The following SEMA5A variants were observed in gnomAD, a reference collection of about 807,000 sequenced individuals.
SEMA5A encodes semaphorin-5A.
Under a neutral mutation model 135.5 loss-of-function variants are expected in SEMA5A, and 55 were observed. That is an observed-to-expected ratio of 0.41 (90% CI 0.33 to 0.51). The LOEUF (loss-of-function observed/expected upper bound fraction) is 0.51, where lower values mean the gene tolerates loss of function less well. Among genes scored for constraint, SEMA5A ranks in the 20% least tolerant of loss-of-function variants. The probability of loss-of-function intolerance (pLI) is 0.37; values close to 1 mark genes in which losing one functional copy is unlikely to be tolerated. For missense variants in SEMA5A, 1,290 were observed against 1,419.9 expected, an observed-to-expected ratio of 0.91 and a Z score of 1.47; for synonymous variants, 580 against 546.5, an observed-to-expected ratio of 1.06 and a Z score of -0.85.
chr5:9,526,067 G>T (rs1737105525), intron 1 of SEMA5A, among the ~76,000 whole-genome samples: 1 of 152,112 alleles, frequency 6.6e-6, no homozygotes, highest in Admixed American at 6.6e-5. Flanking sequence ...TAATCAAAAG[G>T]AGCCTTTTCT....
At chr5:9,286,387 A>G (rs1362985695) in intron 5 of SEMA5A, among the ~76,000 whole-genome samples, 1 of 151,876 alleles carries the variant, frequency 6.6e-6, no homozygotes, top group African/African-American at 2.4e-5. Flanking sequence ...TTTTCCTACC[A>G]TTGATTTTTT....
At chr5:9,050,765 G>A (rs1050815225) in intron 20 of SEMA5A, among the ~76,000 whole-genome samples, 10 of 152,330 alleles carry the variant, frequency 6.6e-5, no homozygotes, top group African/African-American at 2.4e-4. Context: ...TTGCCGGGGG[G>A]ATCCCCCCAC....
chr5:9,503,397 A>G (rs1297079651), intron 1 of SEMA5A, among the ~76,000 whole-genome samples: 1 of 152,306 alleles, frequency 6.6e-6, no homozygotes, highest in East Asian at 1.9e-4. Flanking sequence ...GCCTGTCTGT[A>G]TCTAGGAGGT....
chr5:9,518,025 A>C (rs1241719178), intron 1 of SEMA5A: 1 of 152,170 alleles, frequency 6.6e-6, no homozygotes, highest in African/African-American at 2.4e-5. Context: ...CCAGACAAAA[A>C]CGTTGAAAAT....
intron 18 of SEMA5A, among the ~76,000 whole-genome samples, chr5:9,056,193 G>C (rs574019395): frequency 1.3e-5 from 2 of 152,288 alleles, no homozygotes; most frequent in Admixed American, 1.3e-4. Flanking sequence ...TGATAAACCT[G>C]CAGATGAATG....
chr5:9,428,165 T>TATCTATCTATCC (rs1561245269), intron 2 of SEMA5A, among the ~76,000 whole-genome samples: 3 of 93,956 alleles, frequency 3.2e-5, no homozygotes, highest in African/African-American at 8.5e-5. Context: ...TCTATCTATC[T>TATCTATCTATCC]ATCCATCCAT....
At chr5:9,242,442 C>T (rs42349) in intron 5 of SEMA5A, among the ~76,000 whole-genome samples, 152,083 of 152,332 alleles carry the variant, frequency 1, 75,918 homozygotes, top group Middle Eastern at 1. Context: ...TATTTTTTCA[C>T]ATTAATTTTC....
At chr5:9,279,586 T>A (rs1375430359) in intron 5 of SEMA5A, among the ~76,000 whole-genome samples, 1 of 152,106 alleles carries the variant, frequency 6.6e-6, no homozygotes, top group African/African-American at 2.4e-5. Context: ...CACCCAAACT[T>A]CATGTTGAAT....
Position 9,098,392 on chromosome 5 carries a change from T to A in SEMA5A, c.2073+9748A>T, listed in dbSNP as rs569152998. Among the ~76,000 whole-genome samples the A allele has an allele frequency of 2.0e-4, 30 of 152,296 alleles. 1 individual carries two copies. The highest frequency in any genetic ancestry group is 4.0e-4 in the Non-Finnish European group (27 of 68,032). ...TACAGAAATTGACCAAAAACATGTG[T>A]CCAATTTGAAGGGAACATTTAATTG... On this transcript the variant is annotated intron_variant, in intron 16 of 22. Transcript: ENST00000382496.
At chr5:9,196,978 C>T (rs1033438058) in intron 10 of SEMA5A, among the ~76,000 whole-genome samples, 190 bp downstream of exon 10, 7 of 152,146 alleles carry the variant, frequency 4.6e-5, no homozygotes, top group African/African-American at 1.2e-4. Context: ...TGGGTCCAGG[C>T]GCCACAGTTC....
At chr5:9,111,897 A>G (rs1740261495) in intron 15 of SEMA5A, among the ~76,000 whole-genome samples, 1 of 152,178 alleles carries the variant, frequency 6.6e-6, no homozygotes, top group Non-Finnish European at 1.5e-5. Flanking sequence ...ATGAAGCTAT[A>G]CAAAAAACAA....
At chr5:9,361,748 G>A (rs1438633640) in intron 3 of SEMA5A, among the ~76,000 whole-genome samples, 1 of 152,202 alleles carries the variant, frequency 6.6e-6, no homozygotes, top group Non-Finnish European at 1.5e-5. Context: ...TTTCAAGTCT[G>A]TTGGGAGTTG....
chr5:9,507,322 T>C (rs1195890747), intron 1 of SEMA5A, among the ~76,000 whole-genome samples: 1 of 152,210 alleles, frequency 6.6e-6, no homozygotes, highest in African/African-American at 2.4e-5. Flanking sequence ...AGAGAGGGGA[T>C]GTGAGCAGTC....
chr5:9,206,996 G>A (rs957185412), intron 8 of SEMA5A, among the ~76,000 whole-genome samples: 1 of 147,240 alleles, frequency 6.8e-6, no homozygotes, highest in Admixed American at 6.8e-5. Context: ...GTCGCACAAG[G>A]TGGCTTTTGA....
chr5:9,202,933 CT>C (rs1163483601), intron 8 of SEMA5A, among the ~76,000 whole-genome samples: 8 of 152,098 alleles, frequency 5.3e-5, no homozygotes, highest in African/African-American at 1.9e-4. Context: ...GGAGACATTG[CT>C]TTGTAGTTTT....
chr5:9,213,550 T>A (rs1459183851), intron 8 of SEMA5A, among the ~76,000 whole-genome samples: 1 of 152,138 alleles, frequency 6.6e-6, no homozygotes, highest in Non-Finnish European at 1.5e-5. Context: ...CCAGATGGGT[T>A]GTCTGGGGGA....
At chr5:9,187,496 G>C (rs1744872865) in intron 11 of SEMA5A, among the ~76,000 whole-genome samples, 1 of 152,122 alleles carries the variant, frequency 6.6e-6, no homozygotes. Flanking sequence ...TGGGCCCCGG[G>C]TATCTATGGC....
chr5:9,190,116 G>C (rs1324340406), intron 11 of SEMA5A, 151 bp downstream of exon 11: 2 of 696,400 alleles, frequency 2.9e-6, no homozygotes, highest in Non-Finnish European at 4.8e-6. Flanking sequence ...CAGAGGCTGA[G>C]GAAGATAAGT....
chr5:9,214,168 T>C (rs1221063354), intron 8 of SEMA5A, among the ~76,000 whole-genome samples: 3 of 151,812 alleles, frequency 2.0e-5, no homozygotes, highest in African/African-American at 4.8e-5. Context: ...CCCCCGAAAC[T>C]GCACATTGCT....
Sources: allele counts gnomAD v4.1 joint callset (sites outside exome capture counted in the v4.1 genomes callset), GRCh38; gene constraint gnomAD v4.1.1; transcripts MANE v1.5; gene names NCBI Gene and HGNC (gene_info 2026-07-23, HGNC 2026-07-21).